ASB3: variants seen among roughly 807,000 people sequenced by gnomAD.
The protein encoded by ASB3 is ankyrin repeat and SOCS box containing 3, also known as ankyrin repeat and SOCS box protein 3.
A neutral mutation model predicts 54.5 loss-of-function variants in ASB3; 41 were observed. The ratio of observed to expected loss-of-function variants is 0.75; its 90% CI spans 0.59 to 0.98. The LOEUF is 0.98. ASB3 is among the 50% of genes least tolerant of loss of function. The pLI, the probability that ASB3 is intolerant of heterozygous loss-of-function variation, is 0.00. For missense variants in ASB3, 733 were observed against 620.0 expected (o/e 1.18, Z -1.94); for synonymous variants, 266 against 221.2 (o/e 1.20, Z -1.80).
chr2:53,757,421 T>C (rs552637028), intron 2 of ASB3, among the ~76,000 whole-genome samples: 10 of 152,336 alleles, frequency 6.6e-5, no homozygotes, highest in Admixed American at 4.6e-4. Flanking sequence ...CTGGTTGAGA[T>C]CATGGCGCAG....
At chr2:53,737,028 T>C (rs13423576) in intron 3 of ASB3, among the ~76,000 whole-genome samples, 25,778 of 152,136 alleles carry the variant, frequency 0.17, 2,394 homozygotes, top group African/African-American at 0.25. Context: ...GATTTCTCTT[T>C]TTAAGATTCC....
At chr2:53,742,677 TGAAATTGAAA>T (rs1672000779) in intron 3 of ASB3, among the ~76,000 whole-genome samples, 1 of 148,620 alleles carries the variant, frequency 6.7e-6, no homozygotes, top group South Asian at 2.1e-4. Context: ...AAAATCCAAT[TGAAATTGAAA>T]GAAACACTAG....
At chr2:53,785,396 C>T (rs1431987552) in intron 1 of ASB3, among the ~76,000 whole-genome samples, 1 of 151,586 alleles carries the variant, frequency 6.6e-6, no homozygotes, top group Non-Finnish European at 1.5e-5. Context: ...TCTTTTCCTT[C>T]ATGACTTAAG....
chr2:53,741,577 T>C (rs1188587470), intron 3 of ASB3, among the ~76,000 whole-genome samples: 2 of 152,194 alleles, frequency 1.3e-5, no homozygotes, highest in South Asian at 2.1e-4. Context: ...GGTACCTAAC[T>C]AGAACAGAGA....
At chr2:53,761,753 AT>A (rs909776989) in intron 2 of ASB3, among the ~76,000 whole-genome samples, 5 of 152,310 alleles carry the variant, frequency 3.3e-5, no homozygotes, top group African/African-American at 1.2e-4. Context: ...GTCTATCTAT[AT>A]ATATTCTATT....
intron 3 of ASB3, among the ~76,000 whole-genome samples, chr2:53,743,684 C>A (rs1488738716): frequency 6.6e-6 from 1 of 152,148 alleles, no homozygotes; most frequent in East Asian, 1.9e-4. Flanking sequence ...TATATAAATA[C>A]ATTTAATTAT....
intron 9 of ASB3, among the ~76,000 whole-genome samples, chr2:53,673,706 T>C (rs1257652600): frequency 6.6e-6 from 1 of 152,218 alleles, no homozygotes; most frequent in East Asian, 1.9e-4. Context: ...AAGCTCAATA[T>C]AATTCTCCAA....
chr2:53,684,213 C>T (rs935974445), intron 9 of ASB3, among the ~76,000 whole-genome samples: 1 of 152,130 alleles, frequency 6.6e-6, no homozygotes, highest in Non-Finnish European at 1.5e-5. Flanking sequence ...CCATGAAAGC[C>T]TCTCTTCACT....
intron 7 of ASB3, among the ~76,000 whole-genome samples, chr2:53,707,722 G>T (rs1572880371): frequency 6.6e-6 from 1 of 151,670 alleles, no homozygotes; most frequent in African/African-American, 2.4e-5. Flanking sequence ...ACACTTTTGG[G>T]AGGTGAAGGG....
At chr2:53,760,702 T>A (rs1410736037) in intron 2 of ASB3, among the ~76,000 whole-genome samples, 4 of 152,172 alleles carry the variant, frequency 2.6e-5, no homozygotes, top group Non-Finnish European at 5.9e-5. Flanking sequence ...GATGGCCAAA[T>A]CATTATTTAC....
At chr2:53,785,709 G>A (rs758268243) in intron 1 of ASB3, among the ~76,000 whole-genome samples, 2 of 152,138 alleles carry the variant, frequency 1.3e-5, no homozygotes, top group Non-Finnish European at 2.9e-5. Context: ...GTGTAGCGGC[G>A]CGCGCCTGTA....
At chr2:53,739,548 A>G (rs745520063) in intron 3 of ASB3, among the ~76,000 whole-genome samples, 2 of 152,232 alleles carry the variant, frequency 1.3e-5, no homozygotes, top group Non-Finnish European at 2.9e-5. Context: ...TAATGTGACT[A>G]TGAGTTCTAG....
At chr2:53,709,892 C>T (rs184532289) in intron 7 of ASB3, among the ~76,000 whole-genome samples, 10 of 152,286 alleles carry the variant, frequency 6.6e-5, no homozygotes, top group African/African-American at 2.2e-4. Flanking sequence ...CTCTCTTAGA[C>T]CTCTTCCTCT....
intron 9 of ASB3, among the ~76,000 whole-genome samples, chr2:53,687,892 T>C (rs905992182): frequency 6.6e-6 from 1 of 152,212 alleles, no homozygotes; most frequent in East Asian, 1.9e-4. Context: ...CACGGCTCAC[T>C]GCAGCCTTGA....
intron 2 of ASB3, among the ~76,000 whole-genome samples, chr2:53,754,149 A>C (rs1367440170): frequency 6.6e-6 from 1 of 152,210 alleles, no homozygotes; most frequent in Non-Finnish European, 1.5e-5. Context: ...GACCAAAACA[A>C]TATGAGCAAC....
At chr2:53,735,967 T>C (rs1464289161) in intron 3 of ASB3, among the ~76,000 whole-genome samples, 1 of 147,752 alleles carries the variant, frequency 6.8e-6, no homozygotes, top group Non-Finnish European at 1.5e-5. Context: ...CGAATTAAAT[T>C]CCAGATTGGA....
At chr2:53,699,526 G>A (rs1669368126) in intron 8 of ASB3, among the ~76,000 whole-genome samples, 2 of 152,032 alleles carry the variant, frequency 1.3e-5, no homozygotes, top group Non-Finnish European at 2.9e-5. Context: ...CATCACACGG[G>A]GTAAGAATTG....
chr2:53,700,794 A>T (rs1330259510), intron 7 of ASB3, among the ~76,000 whole-genome samples: 6 of 152,208 alleles, frequency 3.9e-5, no homozygotes, highest in African/African-American at 1.4e-4. Context: ...TTTAAAAAAA[A>T]TTATCATTGA....
At chr2:53,720,015 C>G (rs1454347701) in intron 5 of ASB3, among the ~76,000 whole-genome samples, 1 of 152,130 alleles carries the variant, frequency 6.6e-6, no homozygotes, top group East Asian at 1.9e-4. Context: ...AGTTACGTAC[C>G]TCCCTCACAA....
Sources: gnomAD v4.1 joint callset for allele counts (sites outside exome capture counted in the v4.1 genomes callset) on GRCh38, gnomAD v4.1.1 for gene constraint, MANE v1.5 for transcripts, NCBI Gene and HGNC (gene_info 2026-07-23, HGNC 2026-07-21) for gene names.